The following CAST variants were observed in gnomAD, a reference collection of about 807,000 sequenced individuals.
CAST encodes the protein MIR583 host.
A neutral mutation model predicts 119.6 loss-of-function variants in CAST; 76 were observed. The ratio of observed to expected loss-of-function variants is 0.64; its 90% CI spans 0.53 to 0.77. The LOEUF (loss-of-function observed/expected upper bound fraction) is 0.77, where lower values mean the gene tolerates loss of function less well. Ranked by LOEUF, CAST falls within the 30% of genes least tolerant of loss-of-function variation. The pLI is 0.00. For synonymous variants in CAST, 319 were observed against 331.6 expected (o/e 0.96, Z 0.41); for missense variants, 953 against 946.5 (o/e 1.01, Z -0.09).
the CAST span, among the ~76,000 whole-genome samples, chr5:96,364,126 G>A: frequency 2.0e-5 from 3 of 152,118 alleles, no homozygotes; most frequent in Non-Finnish European, 4.4e-5. Context: ...TTTATATGCT[G>A]GATTACATTT....
At chr5:96,741,843 G>A in intron 15 of CAST, 1 of 336,696 alleles carries the variant, frequency 3.0e-6, no homozygotes, top group South Asian at 4.5e-5. Context: ...ACACAGAAGG[G>A]CAGAAACCAG....
At chr5:96,427,934 T>A in the CAST span, among the ~76,000 whole-genome samples, 23 of 152,290 alleles carry the variant, frequency 1.5e-4, no homozygotes, top group East Asian at 4.4e-3. Flanking sequence ...AAGAAACTTC[T>A]GTAATAAGGT....
the CAST span, among the ~76,000 whole-genome samples, chr5:96,474,876 A>T: frequency 6.6e-5 from 10 of 152,290 alleles, no homozygotes; most frequent in African/African-American, 2.4e-4. Flanking sequence ...CAACATGGGG[A>T]CCAGAAACTA....
At chr5:96,021,759 C>T in the CAST span, among the ~76,000 whole-genome samples, 1 of 152,120 alleles carries the variant, frequency 6.6e-6, no homozygotes, top group Non-Finnish European at 1.5e-5. Context: ...CAGCATTTTC[C>T]ATTTTCACAA....
intron 1 of CAST, among the ~76,000 whole-genome samples, chr5:96,588,490 G>A (rs763958784): frequency 2.6e-5 from 4 of 151,960 alleles, no homozygotes; most frequent in Non-Finnish European, 4.4e-5. Context: ...ATGAGCTACG[G>A]TACCCGGCTT....
intron 1 of CAST, among the ~76,000 whole-genome samples, chr5:96,600,985 T>A (rs1002410117): frequency 6.6e-6 from 1 of 152,186 alleles, no homozygotes; most frequent in African/African-American, 2.4e-5. Flanking sequence ...TTCCTTCTGC[T>A]TTTCTTCTGG....
At chr5:96,067,997 C>A in the CAST span, among the ~76,000 whole-genome samples, 1 of 152,074 alleles carries the variant, frequency 6.6e-6, no homozygotes, top group Admixed American at 6.6e-5. Context: ...GCCACTCTAG[C>A]TGGGGAAAGG....
chr5:96,617,234 G>GCA (rs376903639), intron 1 of CAST, among the ~76,000 whole-genome samples: 24 of 150,466 alleles, frequency 1.6e-4, no homozygotes, highest in African/African-American at 3.4e-4. Context: ...CTATAAAAGA[G>GCA]CACACACACA....
chr5:96,496,124 G>A, the CAST span, among the ~76,000 whole-genome samples: 134,383 of 152,126 alleles, frequency 0.88, 60,072 homozygotes, highest in Middle Eastern at 0.98. Flanking sequence ...TAAAATTTAA[G>A]TATATAATTG....
At chr5:96,722,564 T>G (rs1018569527) in intron 3 of CAST, 75 bp from the exon 4 acceptor site, 1 of 1,139,242 alleles carries the variant, frequency 8.8e-7, no homozygotes, top group Non-Finnish European at 1.3e-6. Context: ...GCAGTATGGT[T>G]AAGAGGAGCT....
the CAST span, among the ~76,000 whole-genome samples, chr5:96,513,558 A>G: frequency 6.6e-6 from 1 of 152,328 alleles, no homozygotes; most frequent in South Asian, 2.1e-4. Flanking sequence ...ATGTAGCTAA[A>G]GGCAACTGGG....
At chr5:96,522,683 A>C (rs1198726257), upstream of CAST, among the ~76,000 whole-genome samples, 1 of 152,042 alleles carries the variant, frequency 6.6e-6, no homozygotes, top group Non-Finnish European at 1.5e-5. Context: ...TTTTTGCAAA[A>C]CTTTCCATTC....
At chr5:96,444,086 G>A in the CAST span, among the ~76,000 whole-genome samples, 6 of 152,192 alleles carry the variant, frequency 3.9e-5, no homozygotes, top group African/African-American at 1.4e-4. Context: ...TTGAATCAGA[G>A]GTGTCACAGA....
rs140222238 is a variant in CAST, at chr5:96,712,161, T to A, written c.211-10478T>A. Among the ~76,000 whole-genome samples the A allele has an allele frequency of 3.0e-3, 463 of 152,308 alleles. 1 individual carries two copies. The highest frequency in any genetic ancestry group is 4.0e-3 in the Non-Finnish European group (269 of 68,028). The stretch of plus-strand genomic sequence containing the variant: ...CTATCTATTCCACTGAATTGTTATC[T>A]GATGGGAAGGTGGAATGTAATGCAG... On this transcript the variant is annotated intron_variant, in intron 3 of 31. Transcript: ENST00000675179.
chr5:95,983,236 G>A, the CAST span, among the ~76,000 whole-genome samples: 1 of 152,182 alleles, frequency 6.6e-6, no homozygotes, highest in Non-Finnish European at 1.5e-5. Flanking sequence ...AGGGTGAGAG[G>A]GGGTAGTGAT....
chr5:96,186,069 C>T, the CAST span, among the ~76,000 whole-genome samples: 8 of 152,028 alleles, frequency 5.3e-5, no homozygotes, highest in Non-Finnish European at 1.2e-4. Context: ...CCTTCACTTC[C>T]CATGTTAGCT....
At chr5:96,265,239 G>A in the CAST span, among the ~76,000 whole-genome samples, 1,319 of 152,082 alleles carry the variant, frequency 8.7e-3, 22 homozygotes, top group African/African-American at 0.027. Context: ...AGTGTTCTCC[G>A]GAGAAACAGA....
chr5:96,461,487 G>A, the CAST span, among the ~76,000 whole-genome samples: 4 of 152,040 alleles, frequency 2.6e-5, no homozygotes, highest in African/African-American at 9.7e-5. Context: ...AAGGTAGGAA[G>A]GTTCTAATAT....
the CAST span, among the ~76,000 whole-genome samples, chr5:96,052,235 G>A: frequency 6.6e-6 from 1 of 152,190 alleles, no homozygotes; most frequent in Non-Finnish European, 1.5e-5. Context: ...CACTAAATGT[G>A]ACCATCACGT....
Sources: gnomAD v4.1 joint callset for allele counts (sites outside exome capture counted in the v4.1 genomes callset) on GRCh38, gnomAD v4.1.1 for gene constraint, MANE v1.5 for transcripts, NCBI Gene and HGNC (gene_info 2026-07-23, HGNC 2026-07-21) for gene names.